ABLIM2: variants seen among roughly 807,000 people sequenced by gnomAD.
The protein encoded by ABLIM2 is actin binding LIM protein family member 2, also known as actin-binding LIM protein 2.
A neutral mutation model predicts 97.7 loss-of-function variants in ABLIM2; 53 were observed. That is an observed-to-expected ratio of 0.54 (90% CI 0.44 to 0.68). The LOEUF is 0.68. ABLIM2 is among the 30% of genes least tolerant of loss of function. The pLI is 0.00. For synonymous variants in ABLIM2, 361 were observed against 345.8 expected, an observed-to-expected ratio of 1.04 and a Z score of -0.49; for missense variants, 835 against 867.2, an observed-to-expected ratio of 0.96 and a Z score of 0.47.
chr4:8,076,812 G>A (rs1431115635), intron 6 of ABLIM2, among the ~76,000 whole-genome samples: 1 of 100,116 alleles, frequency 1.0e-5, no homozygotes, highest in African/African-American at 4.0e-5. Flanking sequence ...GGGCTGCAGG[G>A]TGGGGGGTCT....
intron 1 of ABLIM2, among the ~76,000 whole-genome samples, chr4:8,121,051 C>T (rs549940103): frequency 1.3e-5 from 2 of 152,362 alleles, no homozygotes; most frequent in African/African-American, 2.4e-5. Flanking sequence ...CCTGTCCACA[C>T]GCCATCCCTG....
chr4:7,983,286 T>A lies in ABLIM2; in HGVS notation c.1802A>T (p.Asp601Val). 6.2e-7 allele frequency: 1 copy of A among 1,612,088 alleles called. No homozygotes were observed. Among genetic ancestry groups the A allele is most frequent in the South Asian group, 1.1e-5 (1 of 90,230 alleles). The change falls in exon 20 of 21, where the codon GAC becomes GTC. Residue 601 changes from aspartate to valine, a missense_variant. Asp to Val is a radical substitution (Grantham distance 152). Coordinates refer to ENST00000447017, the MANE Select transcript of ABLIM2 (RefSeq NM_001130083.2). ...TACCTCCAGTCTCGTCCGGTCCACGTCTTTGGGCAGTTTCACGCGAATTCG... is the reference window on the plus strand; with the variant it reads ...TACCTCCAGTCTCGTCCGGTCCACGACTTTGGGCAGTTTCACGCGAATTCG... Reference protein sequence around the residue: ...TNRIRVKLPKDVDRTRLERHL... With the variant: ...TNRIRVKLPKVVDRTRLERHL...
At position 8,033,184 on chromosome 4, in the gene ABLIM2, C is replaced by G. The variant is rs1162435726; in HGVS notation, c.1047+2965G>C. Among the ~76,000 whole-genome samples, 1 of 152,192 alleles carries G rather than the reference C, an allele frequency of 6.6e-6. No individual in the cohort carries two copies. The highest frequency in any genetic ancestry group is 2.1e-4 in the South Asian group (1 of 4,830). On this transcript the variant is annotated intron_variant, in intron 10 of 20. Coordinates refer to ENST00000447017, the MANE Select transcript of ABLIM2 (RefSeq NM_001130083.2). The surrounding 1 kb of genome is among the most constrained non-coding windows in gnomAD (Gnocchi z 4.5). ...CTGACCCGTCTTCCCAGGCTGGCAC[C>G]CCATCCACCACCACCTGCACATATG...
intron 16 of ABLIM2, chr4:8,007,774 G>A: frequency 1.7e-6 from 2 of 1,211,964 alleles, no homozygotes; most frequent in South Asian, 2.7e-5. Flanking sequence ...AAACAGCCCA[G>A]GAGCAGGTCT....
chr4:7,987,024 C>T (rs1744771859), intron 17 of ABLIM2, among the ~76,000 whole-genome samples: 1 of 151,990 alleles, frequency 6.6e-6, no homozygotes, highest in South Asian at 2.1e-4. Flanking sequence ...GCTCTGTCAC[C>T]CAGACTGGAG....
chr4:8,114,809 CCAAA>C (rs896962168), intron 1 of ABLIM2, among the ~76,000 whole-genome samples: 7 of 152,238 alleles, frequency 4.6e-5, no homozygotes, highest in Non-Finnish European at 8.8e-5. Flanking sequence ...CGCCCCGTCC[CCAAA>C]CAGTCACCAG....
In ABLIM2 at chr4:8,095,815, G is replaced by A. The variant is rs978143244; in HGVS notation, c.338+1284C>T. Among the ~76,000 whole-genome samples, 8 of 152,300 alleles carry A rather than the reference G, an allele frequency of 5.3e-5. No homozygotes were observed. In the South Asian group the frequency reaches 1.2e-3, roughly 24 times the overall value. On this transcript the variant is annotated intron_variant, in intron 3 of 20. Coordinates refer to ENST00000447017, the MANE Select transcript of ABLIM2 (RefSeq NM_001130083.2). This position sits in a 1 kb window ranked among gnomAD's most constrained non-coding sequence, Gnocchi z 4.7. ...CACACTGCATGCCCTGGGGTTCGAC[G>A]AGGAATCTCTGCCCTGGACAGGACT...
intron 1 of ABLIM2, 91 bp downstream of exon 1, chr4:8,158,589 G>T: frequency 7.0e-7 from 1 of 1,430,458 alleles, no homozygotes; most frequent in Non-Finnish European, 9.3e-7. Context: ...TTTCCCCGGC[G>T]TTGCAGGTGC....
intron 20 of ABLIM2, among the ~76,000 whole-genome samples, chr4:7,977,318 T>C (rs1336996204): frequency 6.6e-6 from 1 of 151,842 alleles, no homozygotes; most frequent in Non-Finnish European, 1.5e-5. Context: ...AAATACCCAG[T>C]CTCGGGTATT....
At chr4:8,055,428 G>T (rs1319101206) in intron 7 of ABLIM2, among the ~76,000 whole-genome samples, 3 of 149,066 alleles carry the variant, frequency 2.0e-5, no homozygotes, top group East Asian at 2.0e-4. Flanking sequence ...CTCCCTGCGA[G>T]GGGCTGGCAC....
intron 1 of ABLIM2, among the ~76,000 whole-genome samples, chr4:8,143,743 C>T (rs1188904072): frequency 6.6e-6 from 1 of 152,164 alleles, no homozygotes; most frequent in African/African-American, 2.4e-5. Context: ...GAACTGCCTC[C>T]AGTGCCCAGC....
chr4:8,125,979 G>C lies in ABLIM2; in HGVS notation c.11-19342C>G, dbSNP rs1329330007. ...CACCCTGGGAGGGGGAAGCCACACA[G>C]CCAACCCGCTTTTTCTGGGGGCCTC... is the stretch of plus-strand genomic sequence containing the variant. On this transcript the variant is annotated intron_variant, in intron 1 of 20. Coordinates refer to ENST00000447017, the MANE Select transcript of ABLIM2 (RefSeq NM_001130083.2). This position sits in a 1 kb window ranked among gnomAD's most constrained non-coding sequence, Gnocchi z 6.2. Among the ~76,000 whole-genome samples the C allele has an allele frequency of 6.6e-6, 1 of 152,186 alleles. No individual in the cohort carries two copies. The highest frequency in any genetic ancestry group is 1.9e-4 in the East Asian group (1 of 5,190).
At chr4:8,081,171 C>T (rs1484203433) in intron 4 of ABLIM2, among the ~76,000 whole-genome samples, 1 of 152,066 alleles carries the variant, frequency 6.6e-6, no homozygotes, top group African/African-American at 2.4e-5. Context: ...GGGAAATGGA[C>T]CATATTAGAG....
rs1457149402 is a variant in ABLIM2 at position 8,147,125 on chromosome 4, A to G, written c.10+11555T>C. On this transcript the variant is annotated intron_variant, in intron 1 of 20. Transcript: ENST00000447017. This position sits in a 1 kb window ranked among gnomAD's most constrained non-coding sequence, Gnocchi z 5.3. ...CCAGAAGTCGCATTATTCCATCAAA[A>G]GGCATGAATGTATTTAAGTCTCCAT... Among the ~76,000 whole-genome samples, 1 of 152,254 alleles carries G rather than the reference A, an allele frequency of 6.6e-6. No individual in the cohort carries two copies. The highest frequency in any genetic ancestry group is 1.5e-5 in the Non-Finnish European group (1 of 68,052).
rs919340240 is a variant in ABLIM2, at chr4:8,068,547, C to T, written c.676-7493G>A. On this transcript the variant is annotated intron_variant, in intron 6 of 20. Transcript: ENST00000447017. This position sits in a 1 kb window ranked among gnomAD's most constrained non-coding sequence, Gnocchi z 4.5. ...GAGCTAGTGGTCCCCCGTCTTTGGGCTTCTGGAGAATGGATCAGCCCTCTC... is the reference window on the plus strand; with the variant it reads ...GAGCTAGTGGTCCCCCGTCTTTGGGTTTCTGGAGAATGGATCAGCCCTCTC... 6.6e-6 allele frequency among the ~76,000 whole-genome samples: 1 copy of T among 152,220 alleles called. No individual in the cohort carries two copies. The highest frequency in any genetic ancestry group is 2.4e-5 in the African/African-American group (1 of 41,462).
At position 8,075,278 on chromosome 4, in the gene ABLIM2, C is replaced by T. The variant is rs944595139; in HGVS notation, c.675+2350G>A. On this transcript the variant is annotated intron_variant, in intron 6 of 20. Transcript: ENST00000447017. This position sits in a 1 kb window ranked among gnomAD's most constrained non-coding sequence, Gnocchi z 4.4. ...AAGTAGAAAGTAGAATGGTGGTTGC[C>T]GAGGGCTTGCGGGTACGGGGAGTGA... is the stretch of plus-strand genomic sequence containing the variant. 6.6e-6 allele frequency among the ~76,000 whole-genome samples: 1 copy of T among 151,854 alleles called. No homozygotes were observed. Among genetic ancestry groups the T allele is most frequent in the African/African-American group, 2.4e-5 (1 of 41,282 alleles).
chr4:8,027,492 T>G (rs1778160810), intron 12 of ABLIM2, among the ~76,000 whole-genome samples: 1 of 152,182 alleles, frequency 6.6e-6, no homozygotes, highest in African/African-American at 2.4e-5. Flanking sequence ...TGGGCGGGTG[T>G]GCAGGAACCC....
intron 2 of ABLIM2, among the ~76,000 whole-genome samples, chr4:8,099,227 C>G (rs1182643076): frequency 6.6e-6 from 1 of 152,246 alleles, no homozygotes; most frequent in East Asian, 1.9e-4. Flanking sequence ...GAAGCAGAGA[C>G]TTGGGGGCCT....
At chr4:8,138,813 A>G (rs1850540132) in intron 1 of ABLIM2, among the ~76,000 whole-genome samples, 1 of 152,260 alleles carries the variant, frequency 6.6e-6, no homozygotes. Context: ...CAAAGATTTC[A>G]TGACAAAAAC....
Sources: allele counts gnomAD v4.1 joint callset (sites outside exome capture counted in the v4.1 genomes callset), GRCh38; gene constraint gnomAD v4.1.1; non-coding constraint Gnocchi (gnomAD v3.1); transcripts MANE v1.5; gene names NCBI Gene and HGNC (gene_info 2026-07-23, HGNC 2026-07-21).